The following KLHL1 variants were observed in gnomAD, a reference collection of about 807,000 sequenced individuals.
The protein encoded by KLHL1 is kelch like family member 1, also known as kelch-like protein 1.
Under a neutral mutation model 77.7 loss-of-function variants are expected in KLHL1, and 47 were observed. The ratio of observed to expected loss-of-function variants is 0.60; its 90% CI spans 0.48 to 0.77. The LOEUF (loss-of-function observed/expected upper bound fraction) is 0.77, where lower values mean the gene tolerates loss of function less well. Ranked by LOEUF, KLHL1 falls within the 30% of genes least tolerant of loss-of-function variation. The probability of loss-of-function intolerance (pLI) is 0.00; values close to 1 mark genes in which losing one functional copy is unlikely to be tolerated. For missense variants in KLHL1, 925 were observed against 910.8 expected, an observed-to-expected ratio of 1.02 and a Z score of -0.20; for synonymous variants, 360 against 325.2, an observed-to-expected ratio of 1.11 and a Z score of -1.15.
intron 1 of KLHL1, among the ~76,000 whole-genome samples, chr13:70,030,800 C>T (rs540034847): frequency 6.6e-6 from 1 of 152,110 alleles, no homozygotes; most frequent in African/African-American, 2.4e-5. Context: ...TCAATGAATC[C>T]AGGAGCTGGT....
Position 69,931,575 on chromosome 13 carries a change from CA to C in KLHL1, c.1014+8464del, listed in dbSNP as rs545347756. On this transcript the variant is annotated intron_variant, in intron 4 of 10. Coordinates refer to ENST00000377844, the MANE Select transcript of KLHL1 (RefSeq NM_020866.3). ...TGTGTTATTTTATATAATCTTCAAT[CA>C]TAGGAAAATATAACACATTTGGCTT... Among the ~76,000 whole-genome samples, 126 of 151,880 alleles carry C rather than the reference CA, an allele frequency of 8.3e-4. No homozygotes were observed. In the East Asian group the frequency reaches 0.016, roughly 20 times the overall value.
chr13:69,907,212 T>C (rs142009162), intron 4 of KLHL1, among the ~76,000 whole-genome samples: 1 of 152,128 alleles, frequency 6.6e-6, no homozygotes, highest in African/African-American at 2.4e-5. Flanking sequence ...TTAAAAACTA[T>C]TTGACCTTTA....
At chr13:69,997,550 T>G (rs2137321206) in intron 1 of KLHL1, among the ~76,000 whole-genome samples, 1 of 151,254 alleles carries the variant, frequency 6.6e-6, no homozygotes, top group Non-Finnish European at 1.5e-5. Context: ...TAAGTAAAAT[T>G]ATGTAGTACT....
At chr13:69,983,324 T>C (rs1359644340) in intron 1 of KLHL1, among the ~76,000 whole-genome samples, 2 of 152,192 alleles carry the variant, frequency 1.3e-5, no homozygotes, top group East Asian at 3.9e-4. Flanking sequence ...AATGATATTT[T>C]TCAAATAAAT....
chr13:69,740,331 C>A, intron 8 of KLHL1, 63 bp downstream of exon 8: 1 of 1,132,064 alleles, frequency 8.8e-7, no homozygotes, highest in South Asian at 1.9e-5. Context: ...ACTTATTTTT[C>A]AAATAATATT....
At chr13:69,812,118 G>A (rs1193573588) in intron 6 of KLHL1, among the ~76,000 whole-genome samples, 4 of 152,004 alleles carry the variant, frequency 2.6e-5, no homozygotes, top group African/African-American at 9.7e-5. Flanking sequence ...GTTCTCGTTG[G>A]TTTTAAAGAA....
Position 69,940,109 on chromosome 13 carries a change from T to C in KLHL1, c.945A>G (p.Leu315=). ...GAGCATCTGCGAAGGCTCGAATTCCTAAACAGTTAGATGGATGCAAAAGCT... is the reference window on the plus strand; with the variant it reads ...GAGCATCTGCGAAGGCTCGAATTCCCAAACAGTTAGATGGATGCAAAAGCT... ...LMKLLHPSNC[L]GIRAFADAQG... is the part of the protein sequence containing the mutation. Residue 315 remains leucine (L), a synonymous_variant, in exon 4 of 11, where the codon TTA becomes TTG. Transcript: ENST00000377844. The C allele has an allele frequency of 6.2e-7, 1 of 1,613,198 alleles. No individual in the cohort carries two copies. Among genetic ancestry groups the C allele is most frequent in the Non-Finnish European group, 8.5e-7 (1 of 1,179,578 alleles).
intron 1 of KLHL1, among the ~76,000 whole-genome samples, chr13:70,039,101 T>G (rs2439611): frequency 0.66 from 94,669 of 143,566 alleles, 32,490 homozygotes; most frequent in African/African-American, 0.87. Flanking sequence ...TTACTCTATT[T>G]CCCAAGCTGG....
intron 7 of KLHL1, among the ~76,000 whole-genome samples, chr13:69,741,754 C>T (rs1028443798): frequency 2.0e-5 from 3 of 152,082 alleles, no homozygotes; most frequent in African/African-American, 7.2e-5. Context: ...TGTAAATCTT[C>T]GATAAAACCT....
intron 5 of KLHL1, among the ~76,000 whole-genome samples, chr13:69,857,670 T>A (rs990032360): frequency 1.3e-5 from 2 of 151,960 alleles, no homozygotes; most frequent in African/African-American, 4.8e-5. Context: ...AGTTGAATGT[T>A]TGTTCTCTGA....
At chr13:70,084,622 CTT>C (rs71116988) in intron 1 of KLHL1, among the ~76,000 whole-genome samples, 36 of 14,952 alleles carry the variant, frequency 2.4e-3, no homozygotes, top group African/African-American at 0.011. Flanking sequence ...CCACGCCAGG[CTT>C]TTTTTTTTTT....
chr13:70,069,444 T>G (rs1887089217), intron 1 of KLHL1, among the ~76,000 whole-genome samples: 1 of 152,166 alleles, frequency 6.6e-6, no homozygotes, highest in Non-Finnish European at 1.5e-5. Flanking sequence ...AACAAAAAAT[T>G]ACAAGGCATG....
chr13:69,926,213 T>G (rs2138272862), intron 4 of KLHL1, among the ~76,000 whole-genome samples: 1 of 152,334 alleles, frequency 6.6e-6, no homozygotes, highest in Non-Finnish European at 1.5e-5. Context: ...TGGATTGATC[T>G]GCAGAGTCAA....
chr13:70,039,529 C>T (rs529054935), intron 1 of KLHL1, among the ~76,000 whole-genome samples: 2 of 151,788 alleles, frequency 1.3e-5, no homozygotes, highest in East Asian at 3.9e-4. Flanking sequence ...ATCTTTTTAA[C>T]AATCTTTTTC....
intron 1 of KLHL1, among the ~76,000 whole-genome samples, chr13:70,086,591 AAAG>A (rs1238792952): frequency 4.3e-4 from 14 of 32,402 alleles, no homozygotes; most frequent in African/African-American, 1.2e-3. Context: ...AAAAAAAAAA[AAAG>A]AAAGAAAGAA....
chr13:69,871,512 AT>A (rs1490023438), intron 5 of KLHL1, among the ~76,000 whole-genome samples: 2 of 152,084 alleles, frequency 1.3e-5, no homozygotes, highest in East Asian at 3.9e-4. Flanking sequence ...CCAGGCTCAA[AT>A]TTTCCAAAAT....
intron 3 of KLHL1, among the ~76,000 whole-genome samples, chr13:69,955,967 A>T (rs1391620154): frequency 3.3e-5 from 4 of 119,460 alleles, no homozygotes; most frequent in African/African-American, 1.1e-4. Context: ...TGATATTTAT[A>T]TATTTGATAT....
At chr13:69,852,257 G>T (rs1879719647) in intron 5 of KLHL1, among the ~76,000 whole-genome samples, 1 of 151,852 alleles carries the variant, frequency 6.6e-6, no homozygotes, top group African/African-American at 2.4e-5. Context: ...ATAGGTAATG[G>T]CCTCACGTCT....
intron 6 of KLHL1, among the ~76,000 whole-genome samples, chr13:69,817,449 A>AT (rs1878164968): frequency 6.6e-6 from 1 of 152,204 alleles, no homozygotes; most frequent in Non-Finnish European, 1.5e-5. Context: ...CCTCACTAAG[A>AT]TACTCTAATT....
Sources: allele counts gnomAD v4.1 joint callset (sites outside exome capture counted in the v4.1 genomes callset), GRCh38; gene constraint gnomAD v4.1.1; transcripts MANE v1.5; gene names NCBI Gene and HGNC (gene_info 2026-07-23, HGNC 2026-07-21).